Variants in DDX17 observed in about 807,000 individuals in gnomAD.
DDX17 encodes probable ATP-dependent RNA helicase DDX17.
In DDX17, 10 loss-of-function variants were observed where a neutral mutation model predicts 80.8. That is an observed-to-expected ratio of 0.12 (90% CI 0.08 to 0.21). The LOEUF is 0.21. Ranked by LOEUF, DDX17 falls within the 10% of genes least tolerant of loss-of-function variation. DDX17 has a pLI of 1.00. For synonymous variants in DDX17, 339 were observed against 336.2 expected, an observed-to-expected ratio of 1.01 and a Z score of -0.09; for missense variants, 586 against 957.4, an observed-to-expected ratio of 0.61 and a Z score of 5.12.
chr22:38,491,217 G>GA (rs1189725194), intron 11 of DDX17: 1 of 152,184 alleles, frequency 6.6e-6, no homozygotes, highest in Non-Finnish European at 1.5e-5. Context: ...ATTCCAGTTT[G>GA]AATACCTGTT....
At position 38,484,673 on chromosome 22, in the gene DDX17, C is replaced by G. The variant is rs1349889882; in HGVS notation, c.*1262G>C. On this transcript the variant is annotated 3_prime_UTR_variant, in exon 13 of 13. Transcript: ENST00000403230. ...CATCTGCTATAAAGTCTTGGTAAAACAGCATTACCATGAAGAGGATGAACT... is the reference window on the plus strand; with the variant it reads ...CATCTGCTATAAAGTCTTGGTAAAAGAGCATTACCATGAAGAGGATGAACT... The G allele has an allele frequency of 2.0e-5, 3 of 152,146 alleles. No individual in the cohort carries two copies. The highest frequency in any genetic ancestry group is 2.0e-4 in the Admixed American group (3 of 15,272). The allele number at this position is 152,146 out of a possible 1,614,324, so 9.4% of individuals were successfully genotyped here. A position where few individuals can be genotyped will look rare whatever the true frequency, so the allele number is the denominator to read the frequency against.
chr22:38,496,105 T>C (rs945855863), intron 5 of DDX17, among the ~76,000 whole-genome samples, 168 bp from the exon 6 acceptor site: 1 of 151,910 alleles, frequency 6.6e-6, no homozygotes, highest in African/African-American at 2.4e-5. Flanking sequence ...CACAATGGAA[T>C]ATAGAAAAAA....
chr22:38,488,716 G>A (rs978487398), intron 11 of DDX17: 1 of 987,428 alleles, frequency 1.0e-6, no homozygotes, highest in Non-Finnish European at 1.2e-6. Context: ...TAGAGCCAAA[G>A]CTGTTAAGTA....
rs1173605011 is a variant in DDX17 at position 38,486,223 on chromosome 22, G to T, written c.1902C>A (p.Thr634=). 6.2e-7 allele frequency: 1 copy of T among 1,614,024 alleles called. No homozygotes were observed. Among genetic ancestry groups the T allele is most frequent in the African/African-American group, 1.3e-5 (1 of 74,930 alleles). The change falls in exon 13 of 13, where the codon ACC becomes ACA. Residue 634 remains threonine (T), a synonymous_variant. Transcript: ENST00000403230. ...CTGCCCCATAGGTGCCTTGACCATA[G>T]GTGTATTGGCCTGCTTGTGCTCCAA...
In DDX17 at chr22:38,489,997, A is replaced by T. The variant is rs1380077092; in HGVS notation, c.1448-1882T>A. 10 of 1,021,462 alleles carry T rather than the reference A, an allele frequency of 9.8e-6. No individual in the cohort carries two copies. Among genetic ancestry groups the T allele is most frequent in the Non-Finnish European group, 1.2e-5 (10 of 850,668 alleles). 63.3% of individuals were successfully genotyped at this position (1,021,462 alleles called of 1,614,324 possible). ...TTCCTAGCAGAAAGCACCAGGGTGG[A>T]GTCAACAGTTCACATGCTAATACTT... On this transcript the variant is annotated intron_variant, in intron 11 of 12. Coordinates refer to ENST00000403230, the MANE Select transcript of DDX17 (RefSeq NM_006386.5). The surrounding 1 kb of genome is among the most constrained non-coding windows in gnomAD (Gnocchi z 4.6).
chr22:38,504,835 A>G (rs2089864131), intron 1 of DDX17, among the ~76,000 whole-genome samples: 1 of 152,166 alleles, frequency 6.6e-6, no homozygotes, highest in South Asian at 2.1e-4. Flanking sequence ...CTCAGAGGAA[A>G]CAGGCTCACA....
chr22:38,505,682 G>C (rs973105180), intron 1 of DDX17: 11 of 433,968 alleles, frequency 2.5e-5, no homozygotes, highest in African/African-American at 1.5e-4. Context: ...CGCCCCTCCC[G>C]ATCCCCCGCG....
chr22:38,495,293 T>C (rs1451794260), intron 6 of DDX17, among the ~76,000 whole-genome samples: 1 of 141,936 alleles, frequency 7.0e-6, no homozygotes, highest in Non-Finnish European at 1.5e-5. Flanking sequence ...TCACCCAGAC[T>C]GGAATGCAGT....
chr22:38,492,760 A>G (rs2089725743), intron 10 of DDX17, among the ~76,000 whole-genome samples: 1 of 152,222 alleles, frequency 6.6e-6, no homozygotes, highest in Non-Finnish European at 1.5e-5. Flanking sequence ...TGCTGGGATT[A>G]CAGGCGTGAG....
At chr22:38,495,730 A>C in intron 6 of DDX17, 66 bp downstream of exon 6, 1 of 1,339,244 alleles carries the variant, frequency 7.5e-7, no homozygotes, top group Non-Finnish European at 9.8e-7. Context: ...TTTTTTCTCC[A>C]ATTTCCTCCA....
At position 38,506,154 on chromosome 22, in the gene DDX17, C is replaced by A. The variant is rs1254374657; in HGVS notation, c.84G>T (p.Thr28=). 2 of 1,587,772 alleles carry A rather than the reference C, an allele frequency of 1.3e-6. No homozygotes were observed. The highest frequency in any genetic ancestry group is 1.7e-6 in the Non-Finnish European group (2 of 1,168,664). The change falls in exon 1 of 13, where the codon ACG becomes ACT. Residue 28 remains threonine (T), a synonymous_variant. Transcript: ENST00000403230. Reference sequence around the variant, plus strand: ...TCTCTCGCTCCGACGCGCTGTCTCCCGTCGCAGACGCCACCGTCGCCGCCT... The same window carrying A: ...TCTCTCGCTCCGACGCGCTGTCTCCAGTCGCAGACGCCACCGTCGCCGCCT...
At chr22:38,497,588 A>T (rs1185737164) in intron 5 of DDX17, among the ~76,000 whole-genome samples, 1 of 135,824 alleles carries the variant, frequency 7.4e-6, no homozygotes, top group African/African-American at 2.7e-5. Flanking sequence ...ACTGCACTCC[A>T]GCCTGGGCAA....
intron 1 of DDX17, chr22:38,505,651 C>A: frequency 2.6e-6 from 1 of 379,036 alleles, no homozygotes; most frequent in Non-Finnish European, 4.7e-6. Context: ...AAAGCCCGGG[C>A]CTGGGCTGAT....
intron 2 of DDX17, 92 bp from the exon 3 acceptor site, chr22:38,499,591 C>T: frequency 1.0e-6 from 1 of 989,480 alleles, no homozygotes; most frequent in Non-Finnish European, 1.6e-6. Flanking sequence ...ATCCAGTCCA[C>T]AGCTATGTTG....
chr22:38,492,066 G>A lies in DDX17; in HGVS notation c.1437C>T (p.Ser479=). 1.2e-6 allele frequency: 2 copies of A among 1,609,868 alleles called. No homozygotes were observed. The highest frequency in any genetic ancestry group is 8.5e-7 in the Non-Finnish European group (1 of 1,177,792). ...CCTATCTATACAAACCTAGCCCACG[G>A]GAGGCTACATCTGTAGCAATAAGGA... The change falls in exon 11 of 13, where the codon TCC becomes TCT. Residue 479 remains serine (S), a synonymous_variant. Coordinates refer to ENST00000403230, the MANE Select transcript of DDX17 (RefSeq NM_006386.5).
At chr22:38,494,823 T>A in intron 7 of DDX17, 21 bp from the exon 8 acceptor site, 1 of 1,614,060 alleles carries the variant, frequency 6.2e-7, no homozygotes, top group Non-Finnish European at 8.5e-7. Context: ...AGGAAAGGCT[T>A]TCTTTCAGGC....
chr22:38,500,269 G>A (rs2089814316), intron 2 of DDX17, among the ~76,000 whole-genome samples: 1 of 151,886 alleles, frequency 6.6e-6, no homozygotes, highest in Admixed American at 6.6e-5. Context: ...AAACAGATTA[G>A]TAAGCATTAT....
At chr22:38,488,170 G>A (rs2089679563) in intron 11 of DDX17, 55 bp from the exon 12 acceptor site, 1 of 1,611,268 alleles carries the variant, frequency 6.2e-7, no homozygotes, top group East Asian at 2.2e-5. Context: ...GAAAGAGAAG[G>A]TAAAGGACAT....
chr22:38,502,163 C>T (rs1453001576), intron 1 of DDX17, among the ~76,000 whole-genome samples: 1 of 152,200 alleles, frequency 6.6e-6, no homozygotes, highest in Non-Finnish European at 1.5e-5. Flanking sequence ...GTAATCCCAG[C>T]ACTTTGGGAG....
Sources: gnomAD v4.1 joint callset for allele counts (sites outside exome capture counted in the v4.1 genomes callset) on GRCh38, gnomAD v4.1.1 for gene constraint, Gnocchi (gnomAD v3.1) non-coding constraint, MANE v1.5 for transcripts, NCBI Gene and HGNC (gene_info 2026-07-23, HGNC 2026-07-21) for gene names.